The following PTPRG variants were observed in gnomAD, a reference collection of about 807,000 sequenced individuals.
PTPRG encodes receptor-type tyrosine-protein phosphatase gamma.
PTPRG carries 102 observed loss-of-function variants against 165.3 expected under a neutral mutation model. That is an observed-to-expected ratio of 0.62 (90% CI 0.53 to 0.73). The LOEUF is 0.73. PTPRG is among the 30% of genes least tolerant of loss of function. The pLI is 0.00. For synonymous variants in PTPRG, 675 were observed against 669.5 expected, an observed-to-expected ratio of 1.01 and a Z score of -0.13; for missense variants, 1,866 against 1,861.4, an observed-to-expected ratio of 1.00 and a Z score of -0.05.
chr3:61,931,029 C>T lies in PTPRG; in HGVS notation c.191-58596C>T, dbSNP rs112885761. 4.1e-3 allele frequency among the ~76,000 whole-genome samples: 617 copies of T among 152,310 alleles called. 6 individuals are homozygous for T. Among genetic ancestry groups the T allele is most frequent in the African/African-American group, 0.014 (590 of 41,574 alleles). On this transcript the variant is annotated intron_variant, in intron 2 of 29. Transcript: ENST00000474889. ...TGAGCTGAGATCACGCCACTGCAGT[C>T]CAGCCTGGGTGACAGAGTGCAGCGC...
intron 2 of PTPRG, among the ~76,000 whole-genome samples, chr3:61,834,384 T>G (rs2036398498): frequency 6.6e-6 from 1 of 152,190 alleles, no homozygotes. Flanking sequence ...TGTTTGCTGT[T>G]GAGCTTAATT....
intron 1 of PTPRG, among the ~76,000 whole-genome samples, chr3:61,685,444 G>A (rs534269280): frequency 1.3e-5 from 2 of 152,338 alleles, no homozygotes; most frequent in South Asian, 4.2e-4. Flanking sequence ...TTCATTGGGG[G>A]TTAGTGCCTG....
chr3:62,078,398 G>A (rs1430982161), intron 5 of PTPRG, 140 bp downstream of exon 5: 3 of 594,032 alleles, frequency 5.1e-6, no homozygotes, highest in Admixed American at 7.6e-5. Context: ...ATTGTCTAAT[G>A]TGTGATTTAA....
At chr3:61,874,379 G>C (rs2037666288) in intron 2 of PTPRG, among the ~76,000 whole-genome samples, 1 of 152,192 alleles carries the variant, frequency 6.6e-6, no homozygotes, top group Non-Finnish European at 1.5e-5. Context: ...TTTCAGTGGA[G>C]ATGATAAATT....
At chr3:61,713,551 C>T (rs1302802588) in intron 1 of PTPRG, among the ~76,000 whole-genome samples, 6 of 152,084 alleles carry the variant, frequency 3.9e-5, no homozygotes. Context: ...GAGAATGAGG[C>T]AGATAAAATA....
intron 5 of PTPRG, among the ~76,000 whole-genome samples, chr3:62,098,960 G>C (rs149671761): frequency 6.6e-6 from 1 of 152,178 alleles, no homozygotes. Flanking sequence ...AAGGCATATC[G>C]TAGTGCCACT....
chr3:61,817,959 T>C (rs2035837689), intron 2 of PTPRG, among the ~76,000 whole-genome samples: 2 of 152,028 alleles, frequency 1.3e-5, no homozygotes, highest in African/African-American at 2.4e-5. Flanking sequence ...GAGTCAAGTA[T>C]AGACAAGGTT....
intron 2 of PTPRG, among the ~76,000 whole-genome samples, chr3:61,857,259 A>G (rs2037135206): frequency 6.6e-6 from 1 of 152,182 alleles, no homozygotes; most frequent in Non-Finnish European, 1.5e-5. Flanking sequence ...TGACTTGCTC[A>G]AGTTCATACA....
chr3:62,231,738 A>C (rs1700906465), intron 14 of PTPRG, among the ~76,000 whole-genome samples: 1 of 152,118 alleles, frequency 6.6e-6, no homozygotes, highest in Non-Finnish European at 1.5e-5. Context: ...TTTGTAGATA[A>C]GTTAGGGATG....
intron 2 of PTPRG, among the ~76,000 whole-genome samples, chr3:61,900,032 T>C (rs1385270386): frequency 6.7e-6 from 1 of 149,442 alleles, no homozygotes; most frequent in East Asian, 1.9e-4. Context: ...TAAATGTCTG[T>C]TTTTTAAAAA....
intron 1 of PTPRG, among the ~76,000 whole-genome samples, chr3:61,691,437 G>T (rs920453898): frequency 6.6e-6 from 1 of 152,144 alleles, no homozygotes; most frequent in Non-Finnish European, 1.5e-5. Flanking sequence ...GCAGAACAAT[G>T]TGCAAAATGG....
intron 2 of PTPRG, among the ~76,000 whole-genome samples, chr3:61,953,178 C>G (rs1464754286): frequency 1.3e-5 from 2 of 152,164 alleles, no homozygotes; most frequent in Non-Finnish European, 2.9e-5. Flanking sequence ...TGGTTGAATT[C>G]TAGCTCCTGT....
In PTPRG at chr3:61,605,776, G is replaced by A. The variant is rs182709711; in HGVS notation, c.85+43404G>A. Among the ~76,000 whole-genome samples the A allele has an allele frequency of 6.3e-3, 961 of 152,002 alleles. 6 individuals carry two copies. Among genetic ancestry groups the A allele is most frequent in the Middle Eastern group, 0.02 (6 of 294 alleles). Reference sequence around the variant, plus strand: ...GTTTGTAGAGATGGTGTCTTGCTACGTTGCCCAGGCTGGTCTTGAACTCCT... The same window carrying A: ...GTTTGTAGAGATGGTGTCTTGCTACATTGCCCAGGCTGGTCTTGAACTCCT... On this transcript the variant is annotated intron_variant, in intron 1 of 29. Coordinates refer to ENST00000474889, the MANE Select transcript of PTPRG (RefSeq NM_002841.4).
intron 28 of PTPRG, among the ~76,000 whole-genome samples, chr3:62,290,240 G>GAAGAGAAA (rs1702832293): frequency 6.6e-6 from 1 of 152,088 alleles, no homozygotes; most frequent in African/African-American, 2.4e-5. Context: ...AAAAGACATT[G>GAAGAGAAA]TGTTCATGAA....
intron 2 of PTPRG, among the ~76,000 whole-genome samples, chr3:61,826,848 T>TTC (rs1553676832): frequency 0.045 from 6,858 of 151,146 alleles, 203 homozygotes; most frequent in South Asian, 0.16. Flanking sequence ...TTTTTTTTTT[T>TTC]CCGATTATGT....
At chr3:61,899,655 G>A (rs971624842) in intron 2 of PTPRG, among the ~76,000 whole-genome samples, 3 of 152,134 alleles carry the variant, frequency 2.0e-5, no homozygotes, top group African/African-American at 7.2e-5. Flanking sequence ...GAGACTCATC[G>A]GGGAACACCT....
Position 61,748,902 on chromosome 3 carries a change from C to T in PTPRG, c.110C>T (p.Ala37Val), listed in dbSNP as rs755701148. 3 of 1,613,444 alleles carry T rather than the reference C, an allele frequency of 1.9e-6. No individual in the cohort carries two copies. The highest frequency in any genetic ancestry group is 1.7e-6 in the Non-Finnish European group (2 of 1,179,890). Residue 37 changes from alanine to valine, a missense_variant, in exon 2 of 30, where the codon GCC (alanine) becomes GTC (valine). Physicochemically the swap from Ala to Val is moderately conservative, Grantham distance 64 (BLOSUM62 0). Transcript: ENST00000474889. ...GCGTTGACAGAAGGCTACGTTGGGG[C>T]CCTGCACGAGAATAGACACGGCAGC... ...FPALTEGYVG[A>V]LHENRHGSAV...
At chr3:61,594,676 T>G (rs1700651873) in intron 1 of PTPRG, among the ~76,000 whole-genome samples, 1 of 152,144 alleles carries the variant, frequency 6.6e-6, no homozygotes, top group Non-Finnish European at 1.5e-5. Context: ...GCCAGGTCCT[T>G]TGTTTGAACC....
chr3:61,571,402 G>T (rs1197167180), intron 1 of PTPRG, among the ~76,000 whole-genome samples: 1 of 152,178 alleles, frequency 6.6e-6, no homozygotes, highest in Non-Finnish European at 1.5e-5. Flanking sequence ...CCAATTGAAA[G>T]ATCTAGCTTT....
Sources: allele counts gnomAD v4.1 joint callset (sites outside exome capture counted in the v4.1 genomes callset), GRCh38; gene constraint gnomAD v4.1.1; transcripts MANE v1.5; gene names NCBI Gene and HGNC (gene_info 2026-07-23, HGNC 2026-07-21).